GSTM4: variants seen among roughly 807,000 people sequenced by gnomAD.
The protein encoded by GSTM4 is GST class-mu 4.
A neutral mutation model predicts 30.1 loss-of-function variants in GSTM4; 27 were observed. The observed-to-expected ratio is 0.90, with a 90% CI of 0.66 to 1.24. GSTM4 has a LOEUF of 1.24. Among genes scored for constraint, GSTM4 ranks in the 50% most tolerant of loss-of-function variants. The pLI is 0.00. For synonymous variants in GSTM4, 94 were observed against 96.2 expected (o/e 0.98, Z 0.13); for missense variants, 238 against 272.1 (o/e 0.87, Z 0.88).
chr1:109,664,201 G>A (rs1278306339), downstream of GSTM4, among the ~76,000 whole-genome samples: 1 of 152,052 alleles, frequency 6.6e-6, no homozygotes, highest in Non-Finnish European at 1.5e-5. Context: ...TTAGAACAGA[G>A]TGATCATGTT....
In GSTM4 at chr1:109,657,272, T is replaced by G. The variant is rs1652046221; in HGVS notation, c.170T>G (p.Phe57Cys). The change falls in exon 3 of 8, where the codon TTT becomes TGT. Residue 57 changes from phenylalanine (F) to cysteine (C), a missense_variant. Transcript: ENST00000369836. ...LNEKFKLGLD[F>C]PNLPYLIDGA... ...GAAAAATTCAAGCTGGGCCTGGACTTTCCCAATGTAGGTGCAGGGGAAGGG... is the reference window on the plus strand; with the variant it reads ...GAAAAATTCAAGCTGGGCCTGGACTGTCCCAATGTAGGTGCAGGGGAAGGG... The G allele has an allele frequency of 6.2e-7, 1 of 1,612,452 alleles. No individual in the cohort carries two copies. The highest frequency in any genetic ancestry group is 1.3e-5 in the African/African-American group (1 of 75,006).
downstream of GSTM4, among the ~76,000 whole-genome samples, chr1:109,662,373 A>G (rs2101232239): frequency 1.3e-5 from 2 of 152,318 alleles, 1 homozygote; most frequent in Middle Eastern, 6.8e-3. Flanking sequence ...GACTGACTCC[A>G]TCACAGCTTA....
chr1:109,657,176 C>G (rs567858249), intron 2 of GSTM4, 39 bp from the exon 3 acceptor site: 2 of 1,607,840 alleles, frequency 1.2e-6, no homozygotes, highest in East Asian at 2.2e-5. Flanking sequence ...GGGCTGGGCT[C>G]TGGGGAGGTT....
At chr1:109,667,214 CATA>C (rs1435489982), downstream of GSTM4, among the ~76,000 whole-genome samples, 4 of 148,584 alleles carry the variant, frequency 2.7e-5, no homozygotes, top group African/African-American at 9.9e-5. Context: ...TAATAGAAAT[CATA>C]ATATAACTCA....
At chr1:109,665,908 A>G (rs963076240), downstream of GSTM4, among the ~76,000 whole-genome samples, 1 of 152,148 alleles carries the variant, frequency 6.6e-6, no homozygotes, top group African/African-American at 2.4e-5. Flanking sequence ...TCTGGTGACT[A>G]GCATCACTCA....
Position 109,661,474 on chromosome 1 carries a change from GA to G in GSTM4, c.*222del, listed in dbSNP as rs996754181. 1 of 1,406,882 alleles carries G rather than the reference GA, an allele frequency of 7.1e-7. No individual in the cohort carries two copies. The highest frequency in any genetic ancestry group is 1.4e-5 in the African/African-American group (1 of 69,166). The allele number at this position is 1,406,882 out of a possible 1,614,324, so 87.1% of individuals were successfully genotyped here. On this transcript the variant is annotated 3_prime_UTR_variant, in exon 8 of 8. Coordinates refer to ENST00000369836, the MANE Select transcript of GSTM4 (RefSeq NM_000850.5). ...GCCTCAGCTACCCACTTTCCTTCAT[GA>G]ACATCCCCCTCCCAACACTACCCTT...
At position 109,657,586 on chromosome 1, in the gene GSTM4, C is replaced by T; in HGVS notation, c.178-4C>T. On this transcript the variant is annotated splice_polypyrimidine_tract_variant and splice_region_variant and intron_variant, in intron 3 of 7. Transcript: ENST00000369836. ...TGAGCTTCCCCGGTTTCCCATCTAT[C>T]CAGCTGCCCTACTTGATTGATGGGG... 3.7e-6 allele frequency: 6 copies of T among 1,614,228 alleles called. No individual in the cohort carries two copies. Among genetic ancestry groups the T allele is most frequent in the Non-Finnish European group, 5.1e-6 (6 of 1,180,040 alleles).
chr1:109,658,442 A>C, intron 5 of GSTM4: 1 of 266,862 alleles, frequency 3.7e-6, no homozygotes, highest in Non-Finnish European at 7.2e-6. Context: ...CCACTGCACT[A>C]GGAGGAACTT....
Position 109,659,295 on chromosome 1 carries a change from G to A in GSTM4, c.567+185G>A, listed in dbSNP as rs1304261740. 3.2e-6 allele frequency: 5 copies of A among 1,573,910 alleles called. No individual in the cohort carries two copies. In the African/African-American group the frequency reaches 6.8e-5, roughly 21 times the overall value. On this transcript the variant is annotated intron_variant, in intron 7 of 7. Transcript: ENST00000369836. ...ATTTGAAATTTCCAACATTCCTACAGGGTGACAGAATTATCTTGCCCATTT... is the reference window on the plus strand; with the variant it reads ...ATTTGAAATTTCCAACATTCCTACAAGGTGACAGAATTATCTTGCCCATTT...
chr1:109,665,182 A>C (rs2101236514), downstream of GSTM4: 8 of 700,782 alleles, frequency 1.1e-5, no homozygotes, highest in South Asian at 1.2e-4. Context: ...GGCATCCACC[A>C]AACTGTCAGG....
Position 109,657,574 on chromosome 1 carries a change from T to C in GSTM4, c.178-16T>C. The C allele has an allele frequency of 2.5e-6, 4 of 1,614,214 alleles. No homozygotes were observed. The highest frequency in any genetic ancestry group is 3.4e-6 in the Non-Finnish European group (4 of 1,180,030). ...TGCTGGCCCAACTGAGCTTCCCCGG[T>C]TTCCCATCTATCCAGCTGCCCTACT... On this transcript the variant is annotated splice_polypyrimidine_tract_variant and intron_variant, in intron 3 of 7. Transcript: ENST00000369836.
In GSTM4 at chr1:109,657,278, A is replaced by G. The variant is rs570970175; in HGVS notation, c.176A>G (p.Asn59Ser). The stretch of plus-strand genomic sequence containing the variant: ...TTCAAGCTGGGCCTGGACTTTCCCA[A>G]TGTAGGTGCAGGGGAAGGGGCGGTT... ...EKFKLGLDFP[N>S]LPYLIDGAHK... The change falls in exon 3 of 8, where the codon AAT (asparagine) becomes AGT (serine). Residue 59 changes from asparagine to serine, a missense_variant and splice_region_variant. Coordinates refer to ENST00000369836, the MANE Select transcript of GSTM4 (RefSeq NM_000850.5). 15 of 1,612,342 alleles carry G rather than the reference A, an allele frequency of 9.3e-6. No homozygotes were observed. Among genetic ancestry groups the G allele is most frequent in the East Asian group, 2.2e-5 (1 of 44,876 alleles).
downstream of GSTM4, chr1:109,665,055 G>A (rs1307313749): frequency 7.1e-7 from 1 of 1,409,970 alleles, no homozygotes; most frequent in Non-Finnish European, 1.0e-6. Context: ...GCATCAACTT[G>A]ACTGGGCTAA....
In GSTM4 at chr1:109,659,045, C is replaced by T. The variant is rs114328674; in HGVS notation, c.502C>T (p.Arg168Cys). 1,281 of 1,614,172 alleles carry T rather than the reference C, an allele frequency of 7.9e-4. 10 individuals carry two copies. In the African/African-American group the frequency reaches 0.015, roughly 19 times the overall value. The part of the protein sequence containing the change: ...FLAYDVLDLH[R>C]IFEPNCLDAF... ...CGCCTATGATGTCCTTGACCTCCAC[C>T]GTATATTTGAGCCCAACTGCTTGGA... Residue 168 changes from arginine (R) to cysteine (C), a missense_variant, in exon 7 of 8, where the codon CGT becomes TGT. By Grantham distance (180) the Arg-to-Cys change is radical. Coordinates refer to ENST00000369836, the MANE Select transcript of GSTM4 (RefSeq NM_000850.5).
rs1178580825 is a variant in GSTM4, at chr1:109,661,158, C to CT, written c.568-6dup. On this transcript the variant is annotated splice_region_variant and splice_polypyrimidine_tract_variant and intron_variant, in intron 7 of 7. Coordinates refer to ENST00000369836, the MANE Select transcript of GSTM4 (RefSeq NM_000850.5). The stretch of plus-strand genomic sequence containing the variant: ...TTGAGTTCTGGCCTTATTTTCCCCC[C>CT]TCTCAGGGCTTGGAGAAGATCTCTG... The CT allele has an allele frequency of 6.2e-7, 1 of 1,612,744 alleles. No homozygotes were observed. Among genetic ancestry groups the CT allele is most frequent in the East Asian group, 2.2e-5 (1 of 44,870 alleles).
At chr1:109,657,484 G>A (rs1461777603) in intron 3 of GSTM4, 106 bp from the exon 4 acceptor site, 2 of 1,527,890 alleles carry the variant, frequency 1.3e-6, no homozygotes, top group African/African-American at 1.4e-5. Context: ...CCTGCCATGA[G>A]CGGGCACAGT....
At chr1:109,658,536 G>T in intron 5 of GSTM4, 1 of 450,594 alleles carries the variant, frequency 2.2e-6, no homozygotes, top group South Asian at 3.0e-5. Flanking sequence ...AGGTACTCAG[G>T]TGCTCCTGGG....
At position 109,659,090 on chromosome 1, in the gene GSTM4, G is replaced by A. The variant is rs1652177816; in HGVS notation, c.547G>A (p.Asp183Asn). 6.2e-7 allele frequency: 1 copy of A among 1,614,030 alleles called. No individual in the cohort carries two copies. The highest frequency in any genetic ancestry group is 1.1e-5 in the South Asian group (1 of 91,070). ...NCLDAFPNLK[D>N]FISRFEGLEK... ...CTTGGACGCCTTTCCAAATCTGAAG[G>A]ACTTCATCTCCCGCTTTGAGGTGAT... Residue 183 changes from aspartate (D) to asparagine (N), a missense_variant, in exon 7 of 8, where the codon GAC becomes AAC. Physicochemically the swap from Asp to Asn is conservative, Grantham distance 23 (BLOSUM62 1). Transcript: ENST00000369836.
chr1:109,656,983 A>G (rs540478731), intron 2 of GSTM4, 196 bp downstream of exon 2: 2 of 785,502 alleles, frequency 2.5e-6, no homozygotes, highest in African/African-American at 3.4e-5. Flanking sequence ...CCCCCTGTTT[A>G]ATTGGGTTGG....
Sources: allele counts gnomAD v4.1 joint callset (sites outside exome capture counted in the v4.1 genomes callset), GRCh38; gene constraint gnomAD v4.1.1; transcripts MANE v1.5; gene names NCBI Gene and HGNC (gene_info 2026-07-23, HGNC 2026-07-21).